Variants in NR3C2 observed in about 807,000 individuals in gnomAD.
NR3C2 encodes the protein nuclear receptor subfamily 3 group C member 2.
Under a neutral mutation model 86.4 loss-of-function variants are expected in NR3C2, and 15 were observed. The ratio of observed to expected loss-of-function variants is 0.17; its 90% CI spans 0.12 to 0.27. The LOEUF is 0.27. Among genes scored for constraint, NR3C2 ranks in the 10% least tolerant of loss-of-function variants. The pLI is 1.00. For missense variants in NR3C2, 960 were observed against 1,195.6 expected, an observed-to-expected ratio of 0.80 and a Z score of 2.91; for synonymous variants, 458 against 450.5, an observed-to-expected ratio of 1.02 and a Z score of -0.21.
At chr4:148,344,027 C>T (rs1211923038) in intron 2 of NR3C2, among the ~76,000 whole-genome samples, 1 of 152,090 alleles carries the variant, frequency 6.6e-6, no homozygotes, top group Non-Finnish European at 1.5e-5. Context: ...TGGCAACTAC[C>T]GCATAAGCTA....
At chr4:148,082,188 T>C (rs1730595132) in intron 8 of NR3C2, among the ~76,000 whole-genome samples, 1 of 152,228 alleles carries the variant, frequency 6.6e-6, no homozygotes, top group African/African-American at 2.4e-5. Context: ...CTAGCTCATT[T>C]TCCCTACTCT....
intron 3 of NR3C2, among the ~76,000 whole-genome samples, chr4:148,229,329 T>TC (rs1322614043): frequency 6.6e-6 from 1 of 152,148 alleles, no homozygotes; most frequent in African/African-American, 2.4e-5. Flanking sequence ...CAGAACCCCC[T>TC]CTTTCTTCGC....
At chr4:148,398,568 A>G (rs1433136889) in intron 2 of NR3C2, among the ~76,000 whole-genome samples, 1 of 152,232 alleles carries the variant, frequency 6.6e-6, no homozygotes, top group East Asian at 1.9e-4. Context: ...AGGTATAAGT[A>G]TCCCAAATTC....
intron 6 of NR3C2, among the ~76,000 whole-genome samples, chr4:148,140,093 G>A (rs1398746949): frequency 6.6e-6 from 1 of 152,224 alleles, no homozygotes; most frequent in African/African-American, 2.4e-5. Flanking sequence ...CAAGGGGGGA[G>A]TCTGGAGCCT....
intron 8 of NR3C2, among the ~76,000 whole-genome samples, chr4:148,085,113 T>G (rs1730752675): frequency 6.6e-6 from 1 of 152,150 alleles, no homozygotes; most frequent in Admixed American, 6.5e-5. Context: ...TTAACAAAGA[T>G]ATTCAGGACT....
chr4:148,282,973 T>C (rs1741323444), intron 2 of NR3C2, among the ~76,000 whole-genome samples: 1 of 151,126 alleles, frequency 6.6e-6, no homozygotes, highest in African/African-American at 2.4e-5. Flanking sequence ...CACAATGAAA[T>C]CAGAGATGAG....
intron 6 of NR3C2, among the ~76,000 whole-genome samples, chr4:148,150,302 C>T (rs956911017): frequency 1.3e-5 from 2 of 152,170 alleles, no homozygotes; most frequent in Non-Finnish European, 2.9e-5. Context: ...CTGATCTATA[C>T]CTAATTTTGT....
intron 8 of NR3C2, among the ~76,000 whole-genome samples, chr4:148,091,046 G>T (rs570470155): frequency 6.6e-6 from 1 of 152,248 alleles, no homozygotes; most frequent in Non-Finnish European, 1.5e-5. Context: ...TTGTTGGGGC[G>T]GCTAGGATGC....
intron 2 of NR3C2, among the ~76,000 whole-genome samples, chr4:148,284,208 C>T (rs1341853142): frequency 6.6e-6 from 1 of 152,026 alleles, no homozygotes; most frequent in Admixed American, 6.6e-5. Context: ...ATGTATGGAA[C>T]ATAACTCTTA....
intron 3 of NR3C2, among the ~76,000 whole-genome samples, chr4:148,251,600 G>A (rs1739583012): frequency 6.6e-6 from 1 of 152,188 alleles, no homozygotes; most frequent in African/African-American, 2.4e-5. Context: ...GGTTCTCTGA[G>A]CCTGATAGGC....
chr4:148,125,748 C>A (rs1013617301), intron 6 of NR3C2, among the ~76,000 whole-genome samples: 45 of 151,928 alleles, frequency 3.0e-4, no homozygotes, highest in African/African-American at 1.1e-3. Context: ...ATGTGTCAAT[C>A]TTTGCTAAGC....
At chr4:148,332,707 T>C (rs1248515929) in intron 2 of NR3C2, among the ~76,000 whole-genome samples, 1 of 152,180 alleles carries the variant, frequency 6.6e-6, no homozygotes, top group African/African-American at 2.4e-5. Flanking sequence ...CACACCAAGA[T>C]ACTGGTGTTA....
chr4:148,426,343 A>T lies in NR3C2; in HGVS notation c.1757+8761T>A, dbSNP rs528451835. ...TGGTCTTCCCAACCCTCTGGTAGAA[A>T]ACCACTATCTCCCACTGGAAGAAAA... On this transcript the variant is annotated intron_variant, in intron 2 of 8. Coordinates refer to ENST00000358102, the MANE Select transcript of NR3C2 (RefSeq NM_000901.5). Among the ~76,000 whole-genome samples the T allele has an allele frequency of 2.0e-5, 3 of 152,318 alleles. 1 individual carries two copies. In the South Asian group the frequency reaches 6.2e-4, roughly 32 times the overall value.
At chr4:148,326,019 A>G (rs1363273557) in intron 2 of NR3C2, among the ~76,000 whole-genome samples, 14 of 152,186 alleles carry the variant, frequency 9.2e-5, no homozygotes, top group Admixed American at 9.2e-4. Flanking sequence ...CTAACTTATT[A>G]TTCAATTTTA....
intron 6 of NR3C2, among the ~76,000 whole-genome samples, chr4:148,152,038 C>A (rs1193149070): frequency 6.6e-6 from 1 of 152,162 alleles, no homozygotes; most frequent in Non-Finnish European, 1.5e-5. Context: ...ACACATTGAG[C>A]AGCTGTATAC....
At chr4:148,187,212 T>C (rs1735970305) in intron 4 of NR3C2, among the ~76,000 whole-genome samples, 1 of 151,848 alleles carries the variant, frequency 6.6e-6, no homozygotes, top group African/African-American at 2.4e-5. Context: ...ATGACTTATT[T>C]TCCTCTGGGT....
chr4:148,093,285 G>A (rs1187636475), intron 8 of NR3C2, among the ~76,000 whole-genome samples: 4 of 152,180 alleles, frequency 2.6e-5, no homozygotes, highest in Non-Finnish European at 4.4e-5. Context: ...CAGGCCAGCG[G>A]CCACTCCCCG....
intron 4 of NR3C2, 57 bp downstream of exon 4, chr4:148,194,689 T>C (rs1310114365): frequency 1.7e-5 from 19 of 1,122,028 alleles, no homozygotes; most frequent in East Asian, 2.4e-5. Flanking sequence ...ACACAGATCT[T>C]AGTGCTGTTG....
Position 148,369,516 on chromosome 4 carries a change from AAAT to A in NR3C2, c.1757+65585_1757+65587del, listed in dbSNP as rs1317485527. ...ACAAATTAGAGCTAGATTAAAAAAT[AAAT>A]AAAATCAACTGACAAACCTTAACTG... is the stretch of plus-strand genomic sequence containing the variant. On this transcript the variant is annotated intron_variant, in intron 2 of 8. Transcript: ENST00000358102. Among the ~76,000 whole-genome samples the A allele has an allele frequency of 2.0e-5, 3 of 152,230 alleles. No individual in the cohort carries two copies. In the East Asian group the frequency reaches 5.8e-4, roughly 29 times the overall value.
Sources: allele counts gnomAD v4.1 joint callset (sites outside exome capture counted in the v4.1 genomes callset), GRCh38; gene constraint gnomAD v4.1.1; transcripts MANE v1.5; gene names NCBI Gene and HGNC (gene_info 2026-07-23, HGNC 2026-07-21).